The following CDH18 variants were observed in gnomAD, a reference collection of about 807,000 sequenced individuals.
The protein encoded by CDH18 is cadherin 18, also known as cadherin-18.
CDH18 carries 31 observed loss-of-function variants against 67.9 expected under a neutral mutation model. That is an observed-to-expected ratio of 0.46 (90% CI 0.34 to 0.62). The LOEUF is 0.62. Ranked by LOEUF, CDH18 falls within the 20% of genes least tolerant of loss-of-function variation. The pLI, the probability that CDH18 is intolerant of heterozygous loss-of-function variation, is 0.01. For synonymous variants in CDH18, 362 were observed against 347.2 expected, an observed-to-expected ratio of 1.04 and a Z score of -0.48; for missense variants, 890 against 975.5, an observed-to-expected ratio of 0.91 and a Z score of 1.17.
intron 2 of CDH18, among the ~76,000 whole-genome samples, chr5:20,129,495 C>A (rs1020621603): frequency 9.9e-5 from 15 of 151,996 alleles, no homozygotes; most frequent in African/African-American, 3.6e-4. Flanking sequence ...ACCAGAGATG[C>A]TGGGTGAGAT....
At chr5:19,566,813 C>A (rs1409440872) in intron 8 of CDH18, among the ~76,000 whole-genome samples, 1 of 152,014 alleles carries the variant, frequency 6.6e-6, no homozygotes, top group Admixed American at 6.6e-5. Context: ...ATCACAACAG[C>A]CAAGATTTGA....
intron 1 of CDH18, among the ~76,000 whole-genome samples, chr5:20,388,439 T>G (rs994459852): frequency 6.6e-6 from 1 of 152,122 alleles, no homozygotes; most frequent in Non-Finnish European, 1.5e-5. Flanking sequence ...TTTTATTGCG[T>G]CTGTTTGATG....
chr5:19,852,392 T>C (rs1783808320), intron 2 of CDH18, among the ~76,000 whole-genome samples: 2 of 152,140 alleles, frequency 1.3e-5, no homozygotes, highest in African/African-American at 4.8e-5. Flanking sequence ...ATAATATTAT[T>C]ATTAGCATCA....
intron 2 of CDH18, among the ~76,000 whole-genome samples, chr5:19,937,487 G>A (rs1159526855): frequency 6.6e-6 from 1 of 151,328 alleles, no homozygotes; most frequent in Non-Finnish European, 1.5e-5. Context: ...AAAATAAACA[G>A]ACATTACAAT....
chr5:19,759,942 G>T (rs529961408), intron 3 of CDH18, among the ~76,000 whole-genome samples: 1 of 152,202 alleles, frequency 6.6e-6, no homozygotes, highest in South Asian at 2.1e-4. Context: ...TTAGTATTTT[G>T]TCCATTTAAC....
intron 2 of CDH18, among the ~76,000 whole-genome samples, chr5:20,214,857 T>C (rs74872818): frequency 6.6e-6 from 1 of 152,072 alleles, no homozygotes; most frequent in Admixed American, 6.6e-5. Flanking sequence ...CTAATTAAAC[T>C]AAAGCGCTTC....
At chr5:19,923,874 C>T (rs1792782446) in intron 2 of CDH18, among the ~76,000 whole-genome samples, 1 of 152,198 alleles carries the variant, frequency 6.6e-6, no homozygotes, top group South Asian at 2.1e-4. Context: ...TGACAACTGC[C>T]TAAAGCTGTT....
chr5:20,018,589 G>A (rs924779803), intron 2 of CDH18, among the ~76,000 whole-genome samples: 2 of 152,074 alleles, frequency 1.3e-5, no homozygotes, highest in Non-Finnish European at 2.9e-5. Flanking sequence ...TAAAAAATAT[G>A]AGATATCTAT....
intron 4 of CDH18, among the ~76,000 whole-genome samples, chr5:19,741,330 T>TCTCA (rs1216277070): frequency 8.2e-5 from 12 of 145,724 alleles, no homozygotes; most frequent in African/African-American, 3.1e-4. Context: ...TATACATGTC[T>TCTCA]CACACACACA....
At chr5:19,490,251 C>T (rs950538523) in intron 11 of CDH18, among the ~76,000 whole-genome samples, 3 of 151,826 alleles carry the variant, frequency 2.0e-5, no homozygotes, top group Non-Finnish European at 4.4e-5. Flanking sequence ...GAGCAGGTGA[C>T]TCCTGTAGCA....
In CDH18 at chr5:19,471,598, G is replaced by A. The variant is rs933176985; in HGVS notation, c.*1628C>T. Reference sequence around the variant, plus strand: ...TTTCTGAAATATATAGATGTGGCCAGTTTTAGAAAATAGGACCATTATGGT... The same window carrying A: ...TTTCTGAAATATATAGATGTGGCCAATTTTAGAAAATAGGACCATTATGGT... On this transcript the variant is annotated 3_prime_UTR_variant, in exon 13 of 13. Coordinates refer to ENST00000382275, the MANE Select transcript of CDH18 (RefSeq NM_004934.5). 2.0e-5 allele frequency among the ~76,000 whole-genome samples: 3 copies of A among 151,720 alleles called. No individual in the cohort carries two copies. The highest frequency in any genetic ancestry group is 7.3e-5 in the African/African-American group (3 of 41,304).
At chr5:19,483,640 G>T in intron 11 of CDH18, 88 bp from the exon 12 acceptor site, 1 of 1,343,448 alleles carries the variant, frequency 7.4e-7, no homozygotes, top group Non-Finnish European at 1.0e-6. Context: ...ATGGGGATGT[G>T]TATCTTTCTT....
intron 2 of CDH18, among the ~76,000 whole-genome samples, chr5:20,121,813 T>A (rs1052021929): frequency 6.6e-6 from 1 of 152,142 alleles, no homozygotes; most frequent in Admixed American, 6.6e-5. Context: ...CTTTCTTCTG[T>A]TAGTAAGCTG....
At chr5:19,758,892 C>G (rs1167638429) in intron 3 of CDH18, among the ~76,000 whole-genome samples, 1 of 152,176 alleles carries the variant, frequency 6.6e-6, no homozygotes, top group Non-Finnish European at 1.5e-5. Context: ...ACAATGTCAC[C>G]AATGTAATGG....
chr5:20,449,617 GAAGA>G (rs1427635850), intron 1 of CDH18, among the ~76,000 whole-genome samples: 1 of 151,766 alleles, frequency 6.6e-6, no homozygotes, highest in African/African-American at 2.4e-5. Context: ...CTTTTTAAAG[GAAGA>G]AAGAATGTCT....
chr5:19,527,390 T>C (rs1747906107), intron 9 of CDH18, among the ~76,000 whole-genome samples: 1 of 151,722 alleles, frequency 6.6e-6, no homozygotes, highest in Non-Finnish European at 1.5e-5. Flanking sequence ...ACTCTCACAA[T>C]GTCTGGTACA....
intron 9 of CDH18, among the ~76,000 whole-genome samples, chr5:19,523,721 A>G (rs1747298750): frequency 6.6e-6 from 1 of 152,160 alleles, no homozygotes; most frequent in Non-Finnish European, 1.5e-5. Flanking sequence ...CTATAAAGTT[A>G]ACTCATAAGG....
At chr5:20,324,473 G>A (rs905522783) in intron 1 of CDH18, among the ~76,000 whole-genome samples, 3 of 152,036 alleles carry the variant, frequency 2.0e-5, no homozygotes, top group East Asian at 1.9e-4. Context: ...CCCGGGAGGC[G>A]GAGCTTGCAG....
chr5:19,775,978 T>G (rs1294529578), intron 3 of CDH18, among the ~76,000 whole-genome samples: 1 of 152,084 alleles, frequency 6.6e-6, no homozygotes, highest in East Asian at 1.9e-4. Context: ...ACCACTGATT[T>G]TGATCAACAA....
Sources: gnomAD v4.1 joint callset for allele counts (sites outside exome capture counted in the v4.1 genomes callset) on GRCh38, gnomAD v4.1.1 for gene constraint, MANE v1.5 for transcripts, NCBI Gene and HGNC (gene_info 2026-07-23, HGNC 2026-07-21) for gene names.